Variants in ATE1 observed in about 807,000 individuals in gnomAD.
ATE1 encodes arginyl-tRNA--protein transferase 1.
A neutral mutation model predicts 70.5 loss-of-function variants in ATE1; 36 were observed. That is an observed-to-expected ratio of 0.51 (90% CI 0.39 to 0.67). ATE1 has a LOEUF of 0.67. Among genes scored for constraint, ATE1 ranks in the 30% least tolerant of loss-of-function variants. The pLI is 0.00. For synonymous variants in ATE1, 232 were observed against 219.3 expected (o/e 1.06, Z -0.51); for missense variants, 593 against 629.5 (o/e 0.94, Z 0.62).
chr10:121,794,686 A>G (rs1946591595), intron 10 of ATE1, among the ~76,000 whole-genome samples: 1 of 147,610 alleles, frequency 6.8e-6, no homozygotes, highest in Non-Finnish European at 1.5e-5. Flanking sequence ...AAAAAAGAAC[A>G]TATGTATCAT....
intron 11 of ATE1, among the ~76,000 whole-genome samples, chr10:121,760,019 C>T (rs1349946709): frequency 6.6e-6 from 1 of 152,188 alleles, no homozygotes; most frequent in African/African-American, 2.4e-5. Context: ...GATGACAGCA[C>T]ATCTGTTTAC....
chr10:121,880,592 A>C (rs1215281373), intron 7 of ATE1, among the ~76,000 whole-genome samples: 3 of 149,870 alleles, frequency 2.0e-5, no homozygotes, highest in African/African-American at 4.9e-5. Flanking sequence ...TATATATATA[A>C]ATATTTAGAG....
intron 11 of ATE1, among the ~76,000 whole-genome samples, chr10:121,745,682 G>C (rs949142579): frequency 1.3e-5 from 2 of 152,134 alleles, no homozygotes; most frequent in Non-Finnish European, 2.9e-5. Flanking sequence ...AGCCGAGATG[G>C]CATCACTGCA....
At position 121,875,017 on chromosome 10, in the gene ATE1, T is replaced by C. The variant is rs1309443251; in HGVS notation, c.943-4979A>G. On this transcript the variant is annotated intron_variant, in intron 7 of 11. Coordinates refer to ENST00000224652, the MANE Select transcript of ATE1 (RefSeq NM_001001976.3). ...AAAATACAAAAATTAGCCGGGCACGTAGTCCCAGCTACTCAGGAGGCTGAG... is the reference window on the plus strand; with the variant it reads ...AAAATACAAAAATTAGCCGGGCACGCAGTCCCAGCTACTCAGGAGGCTGAG... 1.4e-4 allele frequency among the ~76,000 whole-genome samples: 9 copies of C among 63,614 alleles called. 1 individual carries two copies. The highest frequency in any genetic ancestry group is 0.02 in the Middle Eastern group (2 of 98). 41.7% of individuals were successfully genotyped at this position (63,614 alleles called of 152,430 possible).
intron 11 of ATE1, among the ~76,000 whole-genome samples, chr10:121,787,779 GTATT>G (rs1182311852): frequency 6.6e-6 from 1 of 152,138 alleles, no homozygotes; most frequent in Non-Finnish European, 1.5e-5. Context: ...ATGTTTGTTA[GTATT>G]TATTCTGGAA....
chr10:121,784,504 G>T (rs560775594), intron 11 of ATE1, among the ~76,000 whole-genome samples: 11 of 152,272 alleles, frequency 7.2e-5, no homozygotes, highest in African/African-American at 2.4e-4. Flanking sequence ...CAAGAGTCAT[G>T]TTAGCACCAT....
rs570780836 is a variant in ATE1 at position 121,877,787 on chromosome 10, G to A, written c.943-7749C>T. ...TATGTTAATGAGGATGTGGCACAAC[G>A]AGCATGTTTATATGGTACAAGCACT... On this transcript the variant is annotated intron_variant, in intron 7 of 11. Transcript: ENST00000224652. 1.1e-4 allele frequency among the ~76,000 whole-genome samples: 17 copies of A among 152,244 alleles called. No individual in the cohort carries two copies. In the East Asian group the frequency reaches 1.2e-3, roughly 10 times the overall value.
At chr10:121,831,647 T>G (rs564676797) in intron 10 of ATE1, among the ~76,000 whole-genome samples, 2 of 152,324 alleles carry the variant, frequency 1.3e-5, no homozygotes, top group African/African-American at 4.8e-5. Context: ...TCTCTCAATT[T>G]CCTGATTTGT....
At chr10:121,840,553 G>A (rs1380119367) in intron 9 of ATE1, among the ~76,000 whole-genome samples, 1 of 151,916 alleles carries the variant, frequency 6.6e-6, no homozygotes, top group Non-Finnish European at 1.5e-5. Flanking sequence ...AGTTCTGAAG[G>A]GGGCCTTAAA....
intron 7 of ATE1, among the ~76,000 whole-genome samples, chr10:121,887,945 T>C (rs1276361858): frequency 3.3e-5 from 5 of 152,138 alleles, no homozygotes; most frequent in Non-Finnish European, 5.9e-5. Flanking sequence ...CTCTCCATAA[T>C]AACTACTTCA....
chr10:121,928,230 G>A (rs1056215691), upstream of ATE1: 22 of 1,368,886 alleles, frequency 1.6e-5, no homozygotes, highest in Non-Finnish European at 2.1e-5. Flanking sequence ...GAAACAGGAT[G>A]GGGAGAGTCA....
At chr10:121,790,610 T>C (rs544767731) in intron 10 of ATE1, among the ~76,000 whole-genome samples, 22 of 152,326 alleles carry the variant, frequency 1.4e-4, no homozygotes, top group Non-Finnish European at 2.8e-4. Flanking sequence ...AGTTTCAAAA[T>C]TGTCTTTCAA....
intron 5 of ATE1, among the ~76,000 whole-genome samples, chr10:121,906,802 C>A (rs1462694051): frequency 6.6e-6 from 1 of 151,942 alleles, no homozygotes; most frequent in Non-Finnish European, 1.5e-5. Flanking sequence ...TTTCACCATG[C>A]TGGCCAGGCT....
At chr10:121,922,836 T>C (rs11200263) in intron 2 of ATE1, among the ~76,000 whole-genome samples, 20,105 of 152,196 alleles carry the variant, frequency 0.13, 1,533 homozygotes, top group East Asian at 0.19. Context: ...CTTCTTTCCA[T>C]GCATTCCAGG....
In ATE1 at chr10:121,743,790, C is replaced by G. The variant is rs138585613; in HGVS notation, c.1447G>C (p.Gly483Arg). 1.9e-6 allele frequency: 3 copies of G among 1,614,106 alleles called. No homozygotes were observed. The highest frequency in any genetic ancestry group is 2.2e-5 in the East Asian group (1 of 44,886). Reference protein sequence around the residue: ...VFHKRAIMPYGVYKKQQKDPS... With the variant: ...VFHKRAIMPYRVYKKQQKDPS... Reference sequence around the variant, plus strand: ...TCTTTCTGCTGTTTCTTATAAACACCGTAAGGCATGATGGCTCTCTTGTGA... The same window carrying G: ...TCTTTCTGCTGTTTCTTATAAACACGGTAAGGCATGATGGCTCTCTTGTGA... Residue 483 changes from glycine (G) to arginine (R), a missense_variant, in exon 12 of 12, where the codon GGT (glycine) becomes CGT (arginine). Coordinates refer to ENST00000224652, the MANE Select transcript of ATE1 (RefSeq NM_001001976.3).
At chr10:121,894,583 A>T (rs1950702954) in intron 7 of ATE1, among the ~76,000 whole-genome samples, 1 of 152,194 alleles carries the variant, frequency 6.6e-6, no homozygotes, top group Non-Finnish European at 1.5e-5. Flanking sequence ...ACAACTCAGT[A>T]ACAAAGACAA....
intron 11 of ATE1, among the ~76,000 whole-genome samples, chr10:121,747,475 T>C (rs1229739698): frequency 3.9e-5 from 6 of 152,184 alleles, no homozygotes; most frequent in African/African-American, 1.4e-4. Context: ...TCCATGGCTC[T>C]GCTTTTTGGA....
chr10:121,759,251 T>C (rs1222727867), intron 11 of ATE1, among the ~76,000 whole-genome samples: 1 of 152,222 alleles, frequency 6.6e-6, no homozygotes, highest in African/African-American at 2.4e-5. Context: ...CTTAGTGATC[T>C]GGATAGAAGA....
At chr10:121,765,463 T>C (rs1945240974) in intron 11 of ATE1, among the ~76,000 whole-genome samples, 1 of 152,184 alleles carries the variant, frequency 6.6e-6, no homozygotes, top group Non-Finnish European at 1.5e-5. Context: ...GCAGAACAAT[T>C]AGACTGTGCG....
Sources: gnomAD v4.1 joint callset for allele counts (sites outside exome capture counted in the v4.1 genomes callset) on GRCh38, gnomAD v4.1.1 for gene constraint, MANE v1.5 for transcripts, NCBI Gene and HGNC (gene_info 2026-07-23, HGNC 2026-07-21) for gene names.